The following WSCD2 variants were observed in gnomAD, a reference collection of about 807,000 sequenced individuals.
The protein encoded by WSCD2 is sialate:O-sulfotransferase 2.
WSCD2 carries 28 observed loss-of-function variants against 55.7 expected under a neutral mutation model. The ratio of observed to expected loss-of-function variants is 0.50; its 90% confidence interval spans 0.37 to 0.69. The LOEUF is 0.69. WSCD2 is among the 30% of genes least tolerant of loss of function. WSCD2 has a pLI of 0.00. For synonymous variants in WSCD2, 301 were observed against 301.9 expected (o/e 1.00, Z 0.03); for missense variants, 616 against 762.1 (o/e 0.81, Z 2.26).
chr12:108,157,024 C>T lies in WSCD2; in HGVS notation c.-552+27098C>T, dbSNP rs533361382. Among the ~76,000 whole-genome samples, 246 of 152,350 alleles carry T rather than the reference C, an allele frequency of 1.6e-3. 1 individual carries two copies. Among genetic ancestry groups the T allele is most frequent in the African/African-American group, 5.7e-3 (239 of 41,572 alleles). Reference sequence around the variant, plus strand: ...GACTTCTCACTTCCACTTTCCTCCCCAGGACCCCACCCCATAAGCTCACCA... The same window carrying T: ...GACTTCTCACTTCCACTTTCCTCCCTAGGACCCCACCCCATAAGCTCACCA... On this transcript the variant is annotated intron_variant, in intron 1 of 8. Transcript: ENST00000547525.
At chr12:108,177,164 G>A (rs952829486) in intron 1 of WSCD2, among the ~76,000 whole-genome samples, 10 of 151,930 alleles carry the variant, frequency 6.6e-5, no homozygotes, top group African/African-American at 2.4e-4. Context: ...TTGTATTAGT[G>A]TTTCTCACTG....
At chr12:108,152,475 G>C (rs1407991207) in intron 1 of WSCD2, among the ~76,000 whole-genome samples, 2 of 152,120 alleles carry the variant, frequency 1.3e-5, no homozygotes, top group African/African-American at 4.8e-5. Flanking sequence ...ATACAGGGTC[G>C]GGCAGGTGCT....
At position 108,195,754 on chromosome 12, in the gene WSCD2, CT is replaced by C; in HGVS notation, c.-77del. 2 of 1,517,592 alleles carry C rather than the reference CT, an allele frequency of 1.3e-6. No homozygotes were observed. 94.0% of individuals were successfully genotyped at this position (1,517,592 alleles called of 1,614,324 possible). ...CCAAGTGTTCCATCCCTAAGGAAAG[CT>C]TGGGAAACCAAGCCCCTTCCATCCT... On this transcript the variant is annotated 5_prime_UTR_variant, in exon 2 of 9. Transcript: ENST00000547525.
At chr12:108,187,912 T>C (rs1882708436) in intron 1 of WSCD2, among the ~76,000 whole-genome samples, 2 of 152,116 alleles carry the variant, frequency 1.3e-5, no homozygotes, top group Non-Finnish European at 2.9e-5. Flanking sequence ...TTCCTGTCCA[T>C]AGTGGCCCAC....
At chr12:108,184,112 A>T (rs532050060) in intron 1 of WSCD2, among the ~76,000 whole-genome samples, 1 of 152,252 alleles carries the variant, frequency 6.6e-6, no homozygotes, top group South Asian at 2.1e-4. Flanking sequence ...GTTACCCCAT[A>T]TGTCTGTGAG....
In WSCD2 at chr12:108,161,773, T is replaced by C. The variant is rs76662209; in HGVS notation, c.-552+31847T>C. Among the ~76,000 whole-genome samples the C allele has an allele frequency of 2.0e-4, 30 of 152,328 alleles. 1 individual carries two copies. In the East Asian group the frequency reaches 5.8e-3, roughly 29 times the overall value. On this transcript the variant is annotated intron_variant, in intron 1 of 8. Transcript: ENST00000547525. ...ATGACCAGCATGTTCAGTCCTGTGATACCTGGGAAGCTTGTGGTGGGTCCA... is the reference window on the plus strand; with the variant it reads ...ATGACCAGCATGTTCAGTCCTGTGACACCTGGGAAGCTTGTGGTGGGTCCA...
intron 1 of WSCD2, among the ~76,000 whole-genome samples, chr12:108,182,664 G>A (rs556861835): frequency 2.2e-4 from 34 of 152,286 alleles, no homozygotes; most frequent in Non-Finnish European, 4.4e-4. Context: ...AGTCAATTAC[G>A]TTATTTGTTT....
chr12:108,160,192 T>C (rs1878921577), intron 1 of WSCD2, among the ~76,000 whole-genome samples: 2 of 152,068 alleles, frequency 1.3e-5, no homozygotes, highest in African/African-American at 4.8e-5. Context: ...GGAAGATGGT[T>C]GGTGGGATGG....
chr12:108,193,775 T>A (rs566962715), intron 1 of WSCD2, among the ~76,000 whole-genome samples: 1 of 152,190 alleles, frequency 6.6e-6, no homozygotes, highest in Non-Finnish European at 1.5e-5. Flanking sequence ...GACGGATGGA[T>A]AGATGGACAG....
Position 108,209,405 on chromosome 12 carries a change from G to C in WSCD2, c.498-716G>C, listed in dbSNP as rs1593031517. Among the ~76,000 whole-genome samples the C allele has an allele frequency of 2.6e-5, 4 of 152,140 alleles. No homozygotes were observed. In the South Asian group the frequency reaches 8.3e-4, roughly 32 times the overall value. ...GAATAAAGAAGCTGGACTCTGGAGA[G>C]ATGAATGTCTCAGGTTTCCAGACAG... On this transcript the variant is annotated intron_variant, in intron 3 of 8. Transcript: ENST00000547525.
At position 108,207,624 on chromosome 12, in the gene WSCD2, T is replaced by A. The variant is rs1157263638; in HGVS notation, c.497+1221T>A. On this transcript the variant is annotated intron_variant, in intron 3 of 8. Coordinates refer to ENST00000547525, the MANE Select transcript of WSCD2 (RefSeq NM_014653.4). Reference sequence around the variant, plus strand: ...GGATGGTCTCGATCTCCTGACCTCGTGATCTGCCCACCTCGGCTTCCCAAA... The same window carrying A: ...GGATGGTCTCGATCTCCTGACCTCGAGATCTGCCCACCTCGGCTTCCCAAA... Among the ~76,000 whole-genome samples the A allele has an allele frequency of 3.4e-5, 5 of 148,466 alleles. No homozygotes were observed. In the East Asian group the frequency reaches 1.0e-3, roughly 30 times the overall value.
At chr12:108,155,008 CG>C (rs1878379096) in intron 1 of WSCD2, among the ~76,000 whole-genome samples, 1 of 152,056 alleles carries the variant, frequency 6.6e-6, no homozygotes, top group Non-Finnish European at 1.5e-5. Flanking sequence ...CCTGCAGCTA[CG>C]GGGTAATGTT....
intron 1 of WSCD2, among the ~76,000 whole-genome samples, chr12:108,157,932 G>C (rs1423254487): frequency 6.6e-6 from 1 of 152,116 alleles, no homozygotes; most frequent in Non-Finnish European, 1.5e-5. Context: ...AAATACAAAT[G>C]AATTCCTCTA....
chr12:108,245,349 C>T (rs920329397), intron 8 of WSCD2, among the ~76,000 whole-genome samples: 1 of 152,142 alleles, frequency 6.6e-6, no homozygotes, highest in Non-Finnish European at 1.5e-5. Context: ...TGCAGAGTGC[C>T]CCACATAGCT....
Position 108,206,319 on chromosome 12 carries a change from C to A in WSCD2, c.413C>A (p.Thr138Asn). 1 of 1,614,220 alleles carries A rather than the reference C, an allele frequency of 6.2e-7. No homozygotes were observed. The highest frequency in any genetic ancestry group is 8.5e-7 in the Non-Finnish European group (1 of 1,180,042). ...TACATCGGCTGCTACCTGGATGACACCCAGAGTCGGGCCCTTCGAGGAGTG... is the reference window on the plus strand; with the variant it reads ...TACATCGGCTGCTACCTGGATGACAACCAGAGTCGGGCCCTTCGAGGAGTG... ...AKYIGCYLDD[T>N]QSRALRGVSF... Residue 138 changes from threonine (T) to asparagine (N), a missense_variant, in exon 3 of 9, where the codon ACC becomes AAC. Around this residue, in one of 3 missense-constraint regions of WSCD2, gnomAD observed 374 missense variants for 467.4 expected, o/e 0.80. Coordinates refer to ENST00000547525, the MANE Select transcript of WSCD2 (RefSeq NM_014653.4).
In WSCD2 at chr12:108,140,543, T is replaced by C. The variant is rs113930549; in HGVS notation, c.-552+10617T>C. On this transcript the variant is annotated intron_variant, in intron 1 of 8. Transcript: ENST00000547525. ...CCTGATTTTGGGCACTGGCTGATCA[T>C]GAGAGGTAAACCTGTGTGTCACTCA... Among the ~76,000 whole-genome samples the C allele has an allele frequency of 5.5e-3, 833 of 152,282 alleles. 5 individuals are homozygous for C. The highest frequency in any genetic ancestry group is 6.8e-3 in the Non-Finnish European group (465 of 67,992).
chr12:108,164,071 A>G (rs1222176360), intron 1 of WSCD2, among the ~76,000 whole-genome samples: 2 of 146,010 alleles, frequency 1.4e-5, no homozygotes, highest in Non-Finnish European at 3.0e-5. Context: ...GACCCATGAC[A>G]GAGTGGTTGG....
chr12:108,164,139 C>CTTTTTTTTTTTTTTTTTT (rs1555224800), intron 1 of WSCD2, among the ~76,000 whole-genome samples: 22 of 85,308 alleles, frequency 2.6e-4, no homozygotes, highest in Admixed American at 3.1e-4. Context: ...ATCTTAAATC[C>CTTTTTTTTTTTTTTTTTT]TTTTTTTTTT....
chr12:108,209,985 C>T, intron 3 of WSCD2, 136 bp from the exon 4 acceptor site: 3 of 1,229,260 alleles, frequency 2.4e-6, no homozygotes, highest in South Asian at 1.5e-5. Flanking sequence ...CCCAACCTCC[C>T]ATCAGCAGTC....
Sources: allele counts gnomAD v4.1 joint callset (sites outside exome capture counted in the v4.1 genomes callset), GRCh38; gene constraint gnomAD v4.1.1; regional missense constraint gnomAD v4.1.1; transcripts MANE v1.5; gene names NCBI Gene and HGNC (gene_info 2026-07-23, HGNC 2026-07-21).